Variants in CSTA observed in about 807,000 individuals in gnomAD.
CSTA encodes the protein cystatin-A.
Under a neutral mutation model 9.2 loss-of-function variants are expected in CSTA, and 9 were observed. The ratio of observed to expected loss-of-function variants is 0.97; its 90% CI spans 0.59 to 1.70. The LOEUF (loss-of-function observed/expected upper bound fraction) is 1.70, where lower values mean the gene tolerates loss of function less well. Ranked by LOEUF, CSTA falls within the 40% of genes most tolerant of loss-of-function variation. The pLI is 0.00. For synonymous variants in CSTA, 36 were observed against 40.6 expected, an observed-to-expected ratio of 0.89 and a Z score of 0.43; for missense variants, 118 against 113.1, an observed-to-expected ratio of 1.04 and a Z score of -0.20.
chr3:122,330,067 A>G (rs2075195363), intron 1 of CSTA, among the ~76,000 whole-genome samples: 1 of 152,216 alleles, frequency 6.6e-6, no homozygotes, highest in Admixed American at 6.5e-5. Context: ...CCCAAGAGGC[A>G]GGTATTATTA....
intron 1 of CSTA, among the ~76,000 whole-genome samples, chr3:122,335,451 G>C (rs1362852793): frequency 6.6e-6 from 1 of 152,146 alleles, no homozygotes; most frequent in Non-Finnish European, 1.5e-5. Flanking sequence ...AGGGGTATAG[G>C]TCAACAATTC....
At chr3:122,326,001 C>A (rs1245622551) in intron 1 of CSTA, among the ~76,000 whole-genome samples, 1 of 152,016 alleles carries the variant, frequency 6.6e-6, no homozygotes, top group East Asian at 1.9e-4. Context: ...GTGTTTTTCA[C>A]TTCTTCTTTT....
At chr3:122,327,048 G>A (rs1372054041) in intron 1 of CSTA, among the ~76,000 whole-genome samples, 2 of 151,936 alleles carry the variant, frequency 1.3e-5, no homozygotes, top group Admixed American at 6.6e-5. Context: ...GACCAGCCTG[G>A]CCAACATGGT....
rs1576221273 is a variant in CSTA, at chr3:122,341,496, C to A, written c.226C>A (p.Gln76Lys). ...HLKVFKSLPG[Q>K]NEDLVLTGYQ... ...GAAAGTATTCAAAAGTCTTCCCGGACAAAATGAGGACTTGGTACTTACTGG... is the reference window on the plus strand; with the variant it reads ...GAAAGTATTCAAAAGTCTTCCCGGAAAAAATGAGGACTTGGTACTTACTGG... The change falls in exon 3 of 3, where the codon CAA becomes AAA. Residue 76 changes from glutamine (Q) to lysine (K), a missense_variant. Gln to Lys is a moderately conservative substitution (Grantham distance 53, BLOSUM62 1). Transcript: ENST00000264474. 2 of 1,613,930 alleles carry A rather than the reference C, an allele frequency of 1.2e-6. No individual in the cohort carries two copies. The highest frequency in any genetic ancestry group is 1.7e-6 in the Non-Finnish European group (2 of 1,179,908).
In CSTA at chr3:122,325,365, T is replaced by A. The variant is rs2075165307; in HGVS notation, c.66+7T>A. On this transcript the variant is annotated splice_region_variant and intron_variant, in intron 1 of 2. Coordinates refer to ENST00000264474, the MANE Select transcript of CSTA (RefSeq NM_005213.4). ...CCAGGAGATTGTTGATAAGGTGAGT[T>A]GATGCCATTCAGGAAAAAGTCTGAG... 2 of 1,614,046 alleles carry A rather than the reference T, an allele frequency of 1.2e-6. No individual in the cohort carries two copies. The highest frequency in any genetic ancestry group is 1.7e-6 in the Non-Finnish European group (2 of 1,179,904).
intron 1 of CSTA, among the ~76,000 whole-genome samples, chr3:122,335,958 TACACACACACACACACACAC>T (rs55707796): frequency 6.8e-6 from 1 of 147,554 alleles, no homozygotes; most frequent in African/African-American, 2.5e-5. Context: ...ATCAGAGGAA[TACACACACACACACACACAC>T]ACACACACAC....
intron 1 of CSTA, among the ~76,000 whole-genome samples, chr3:122,335,172 C>T (rs2075229430): frequency 6.6e-6 from 1 of 152,176 alleles, no homozygotes; most frequent in South Asian, 2.1e-4. Context: ...CCTTCTCATG[C>T]TGGGTTCGGG....
intron 2 of CSTA, among the ~76,000 whole-genome samples, chr3:122,339,172 CT>C (rs2107668776): frequency 6.6e-6 from 1 of 152,302 alleles, no homozygotes; most frequent in East Asian, 1.9e-4. Flanking sequence ...TCAGAGTGTC[CT>C]GGGTTTGAAC....
intron 1 of CSTA, among the ~76,000 whole-genome samples, chr3:122,333,576 AAAGAAAGAAAG>A: frequency 6.7e-6 from 1 of 149,230 alleles, no homozygotes; most frequent in South Asian, 2.1e-4. Context: ...AGAAAGAAAG[AAAGAAAGAAAG>A]AAAGAAGAAA....
rs879662986 is a variant in CSTA at position 122,333,555 on chromosome 3, GA to G, written c.67-3989del. On this transcript the variant is annotated intron_variant, in intron 1 of 2. Coordinates refer to ENST00000264474, the MANE Select transcript of CSTA (RefSeq NM_005213.4). ...AGAAAAGAAAGAAGAAAGAAAGAAA[GA>G]AAGAAAGAAAGAAAGAAAGAAAGAA... Among the ~76,000 whole-genome samples the G allele has an allele frequency of 9.9e-3, 922 of 92,694 alleles. 11 individuals carry two copies. The highest frequency in any genetic ancestry group is 0.046 in the South Asian group (121 of 2,642). The allele number at this position is 92,694 out of a possible 152,430, so 60.8% of individuals were successfully genotyped here.
At chr3:122,333,506 A>G (rs974211153) in intron 1 of CSTA, among the ~76,000 whole-genome samples, 14 of 150,866 alleles carry the variant, frequency 9.3e-5, no homozygotes, top group African/African-American at 3.4e-4. Context: ...GCAAGACTCC[A>G]TGAAAGAGAG....
chr3:122,339,906 C>T (rs1043984301), intron 2 of CSTA, among the ~76,000 whole-genome samples: 2 of 152,198 alleles, frequency 1.3e-5, no homozygotes, highest in Non-Finnish European at 2.9e-5. Flanking sequence ...TAGAGGCTAA[C>T]AGATCTGGGT....
intron 1 of CSTA, among the ~76,000 whole-genome samples, chr3:122,329,605 A>T (rs1324836607): frequency 6.6e-6 from 1 of 152,186 alleles, no homozygotes; most frequent in Admixed American, 6.5e-5. Context: ...AATGAATATC[A>T]CTGAATCATT....
chr3:122,333,547 GA>G (rs375659564), intron 1 of CSTA, among the ~76,000 whole-genome samples: 1 of 45,678 alleles, frequency 2.2e-5, no homozygotes, highest in Non-Finnish European at 4.2e-5. Flanking sequence ...AAAGAAGAAA[GA>G]AAGAAAGAAA....
intron 1 of CSTA, among the ~76,000 whole-genome samples, chr3:122,325,899 A>T (rs1288530068): frequency 1.3e-5 from 2 of 152,228 alleles, no homozygotes; most frequent in Admixed American, 6.5e-5. Context: ...CAACTAATAG[A>T]ACAGAGGTGA....
At position 122,325,356 on chromosome 3, in the gene CSTA, A is replaced by G; in HGVS notation, c.64A>G (p.Lys22Glu). Reference protein sequence around the residue: ...ATPEIQEIVDKVKPQLEEKTN... With the variant: ...ATPEIQEIVDEVKPQLEEKTN... ...TCCAGAAATCCAGGAGATTGTTGAT[A>G]AGGTGAGTTGATGCCATTCAGGAAA... The change falls in exon 1 of 3, where the codon AAG becomes GAG. Residue 22 changes from lysine (K) to glutamate (E), a missense_variant and splice_region_variant. By Grantham distance (56) the Lys-to-Glu change is moderately conservative (BLOSUM62 1). Coordinates refer to ENST00000264474, the MANE Select transcript of CSTA (RefSeq NM_005213.4). 1.9e-6 allele frequency: 3 copies of G among 1,614,152 alleles called. No homozygotes were observed. Among genetic ancestry groups the G allele is most frequent in the Non-Finnish European group, 2.5e-6 (3 of 1,179,984 alleles).
chr3:122,326,908 T>C (rs140744162), intron 1 of CSTA, among the ~76,000 whole-genome samples: 17 of 152,272 alleles, frequency 1.1e-4, no homozygotes, highest in Admixed American at 1.3e-4. Context: ...CAGAGATATA[T>C]GGCATCCTAC....
chr3:122,333,482 G>A (rs1297245145), intron 1 of CSTA, among the ~76,000 whole-genome samples: 3 of 149,784 alleles, frequency 2.0e-5, no homozygotes, highest in African/African-American at 7.4e-5. Flanking sequence ...CTACACTCCA[G>A]CCTAGGTGAC....
At chr3:122,337,494 A>G (rs1350400648) in intron 1 of CSTA, 53 bp from the exon 2 acceptor site, 1 of 1,226,838 alleles carries the variant, frequency 8.2e-7, no homozygotes, top group Non-Finnish European at 1.2e-6. Flanking sequence ...TACATTGCAT[A>G]CATGGAGTCT....
Sources: allele counts gnomAD v4.1 joint callset (sites outside exome capture counted in the v4.1 genomes callset), GRCh38; gene constraint gnomAD v4.1.1; transcripts MANE v1.5; gene names NCBI Gene and HGNC (gene_info 2026-07-23, HGNC 2026-07-21).